The following GABRB3 variants were observed in gnomAD, a reference collection of about 807,000 sequenced individuals.
The protein encoded by GABRB3 is gamma-aminobutyric acid type A receptor subunit beta3.
Under a neutral mutation model 52.1 loss-of-function variants are expected in GABRB3, and 14 were observed. The observed-to-expected ratio is 0.27, with a 90% CI of 0.18 to 0.42. The LOEUF is 0.42. Ranked by LOEUF, GABRB3 falls within the 10% of genes least tolerant of loss-of-function variation. GABRB3 has a pLI of 1.00. For synonymous variants in GABRB3, 260 were observed against 232.3 expected (o/e 1.12, Z -1.08); for missense variants, 307 against 609.1 (o/e 0.50, Z 5.22).
chr15:26,713,960 C>T (rs1319555162), intron 3 of GABRB3, among the ~76,000 whole-genome samples: 1 of 152,212 alleles, frequency 6.6e-6, no homozygotes, highest in African/African-American at 2.4e-5. Flanking sequence ...GTGCCTTCCC[C>T]AGGCACACTT....
intron 3 of GABRB3, among the ~76,000 whole-genome samples, chr15:26,762,795 G>A (rs1181133734): frequency 6.6e-6 from 1 of 151,998 alleles, no homozygotes; most frequent in Admixed American, 6.6e-5. Context: ...ATGATTACAG[G>A]ACACACATTA....
At position 26,591,859 on chromosome 15, in the gene GABRB3, T is replaced by C. The variant is rs374469285; in HGVS notation, c.462-8445A>G. Among the ~76,000 whole-genome samples, 18 of 152,198 alleles carry C rather than the reference T, an allele frequency of 1.2e-4. 1 individual carries two copies. The highest frequency in any genetic ancestry group is 7.9e-4 in the Admixed American group (12 of 15,282). On this transcript the variant is annotated intron_variant, in intron 4 of 8. Coordinates refer to ENST00000311550, the MANE Select transcript of GABRB3 (RefSeq NM_000814.6). ...TTTTAAATCAACTTAAATGAAATAA[T>C]ATTAAAAATGTAGCTCCTCCGATGT...
chr15:26,616,455 T>C (rs1892260612), intron 4 of GABRB3, among the ~76,000 whole-genome samples: 1 of 152,164 alleles, frequency 6.6e-6, no homozygotes, highest in African/African-American at 2.4e-5. Flanking sequence ...TAAGTTTAGC[T>C]GCTAAACACA....
intron 8 of GABRB3, among the ~76,000 whole-genome samples, chr15:26,554,037 T>TATATATATATATATATATATA (rs59100810): frequency 0.013 from 750 of 58,324 alleles, 139 homozygotes; most frequent in Non-Finnish European, 0.017. Context: ...ATATATATAT[T>TATATATATATATATATATATA]TATTTATTTA....
intron 4 of GABRB3, among the ~76,000 whole-genome samples, chr15:26,608,557 T>C (rs1373875033): frequency 1.3e-5 from 2 of 151,916 alleles, no homozygotes; most frequent in African/African-American, 4.8e-5. Context: ...CATTAAGGGG[T>C]TAATATCCAA....
intron 3 of GABRB3, among the ~76,000 whole-genome samples, chr15:26,712,950 G>A (rs928240156): frequency 1.3e-5 from 2 of 152,360 alleles, no homozygotes; most frequent in East Asian, 1.9e-4. Context: ...CGGAAACTCC[G>A]CATCATGCTG....
intron 3 of GABRB3, among the ~76,000 whole-genome samples, chr15:26,761,967 G>A (rs981973447): frequency 6.6e-6 from 1 of 152,046 alleles, no homozygotes; most frequent in Non-Finnish European, 1.5e-5. Flanking sequence ...CGAGCAGCTG[G>A]GATTACAGGA....
At chr15:26,575,445 T>C (rs1000771445) in intron 6 of GABRB3, among the ~76,000 whole-genome samples, 3 of 152,200 alleles carry the variant, frequency 2.0e-5, no homozygotes, top group African/African-American at 7.2e-5. Flanking sequence ...CTCTGGAATT[T>C]AAGGTCAAAT....
intron 3 of GABRB3, among the ~76,000 whole-genome samples, chr15:26,654,148 T>C (rs746433828): frequency 4.4e-4 from 67 of 152,126 alleles, no homozygotes; most frequent in Non-Finnish European, 8.4e-4. Flanking sequence ...GGTGTTTTTT[T>C]GTTTGTTTGT....
intron 3 of GABRB3, among the ~76,000 whole-genome samples, chr15:26,672,295 T>G (rs1887923298): frequency 6.6e-6 from 1 of 152,154 alleles, no homozygotes; most frequent in South Asian, 2.1e-4. Context: ...CTCCAGGCAT[T>G]TTATAACCAG....
Position 26,547,399 on chromosome 15 carries a change from G to A in GABRB3, c.*394C>T. 1 of 430,072 alleles carries A rather than the reference G, an allele frequency of 2.3e-6. No homozygotes were observed. Among genetic ancestry groups the A allele is most frequent in the Non-Finnish European group, 4.1e-6 (1 of 244,156 alleles). The allele number at this position is 430,072 out of a possible 1,614,324, so 26.6% of individuals were successfully genotyped here. On this transcript the variant is annotated 3_prime_UTR_variant, in exon 9 of 9. Coordinates refer to ENST00000311550, the MANE Select transcript of GABRB3 (RefSeq NM_000814.6). ...ACTTATGATAATACAAGACACATTT[G>A]GGGATGATATTGTGTTTCACGCCCT...
chr15:26,732,297 G>A (rs1048910518), intron 3 of GABRB3, among the ~76,000 whole-genome samples: 1 of 43,132 alleles, frequency 2.3e-5, no homozygotes, highest in East Asian at 5.7e-4. Flanking sequence ...TGGATAGATG[G>A]ATGGATGGAT....
chr15:26,689,148 C>A (rs1888499637), intron 3 of GABRB3, among the ~76,000 whole-genome samples: 1 of 152,186 alleles, frequency 6.6e-6, no homozygotes, highest in Non-Finnish European at 1.5e-5. Flanking sequence ...CCCAGGTCCC[C>A]CAGTGCCCCG....
intron 4 of GABRB3, among the ~76,000 whole-genome samples, chr15:26,606,589 A>T (rs1425098149): frequency 6.6e-6 from 1 of 152,168 alleles, no homozygotes; most frequent in African/African-American, 2.4e-5. Context: ...TAAGATATTG[A>T]GCAAGAAAGC....
intron 3 of GABRB3, among the ~76,000 whole-genome samples, chr15:26,745,378 G>A (rs906725413): frequency 2.0e-5 from 3 of 152,110 alleles, no homozygotes; most frequent in Non-Finnish European, 4.4e-5. Flanking sequence ...AGTTTTCTCA[G>A]TGTTTACATC....
At chr15:26,661,388 T>G (rs1887545724) in intron 3 of GABRB3, among the ~76,000 whole-genome samples, 1 of 152,164 alleles carries the variant, frequency 6.6e-6, no homozygotes, top group Non-Finnish European at 1.5e-5. Flanking sequence ...TGCAAACTCT[T>G]AAGTATCTAA....
intron 3 of GABRB3, among the ~76,000 whole-genome samples, chr15:26,693,162 C>A (rs547185412): frequency 1.3e-5 from 2 of 152,146 alleles, no homozygotes; most frequent in East Asian, 1.9e-4. Context: ...TTCTAAAGAG[C>A]CTTTGTACAT....
intron 7 of GABRB3, among the ~76,000 whole-genome samples, chr15:26,563,693 C>T (rs924670139): frequency 7.2e-5 from 11 of 152,152 alleles, no homozygotes; most frequent in Non-Finnish European, 1.5e-4. Context: ...AATCATTCTT[C>T]GGTAGCCTCT....
chr15:26,692,474 CAGTT>C (rs1225072369), intron 3 of GABRB3, among the ~76,000 whole-genome samples: 1 of 151,990 alleles, frequency 6.6e-6, no homozygotes, highest in Non-Finnish European at 1.5e-5. Flanking sequence ...GTAAAACAAT[CAGTT>C]ATAGTCCAAA....
Sources: allele counts gnomAD v4.1 joint callset (sites outside exome capture counted in the v4.1 genomes callset), GRCh38; gene constraint gnomAD v4.1.1; transcripts MANE v1.5; gene names NCBI Gene and HGNC (gene_info 2026-07-23, HGNC 2026-07-21).